The following MYZAP variants were observed in gnomAD, a reference collection of about 807,000 sequenced individuals.
The protein encoded by MYZAP is GRINL1A complex locus upstream.
In MYZAP, 66 loss-of-function variants were observed where a neutral mutation model predicts 69.4. The ratio of observed to expected loss-of-function variants is 0.95; its 90% CI spans 0.78 to 1.17. MYZAP has a LOEUF of 1.17. Among genes scored for constraint, MYZAP ranks in the 50% most tolerant of loss-of-function variants. The probability of loss-of-function intolerance (pLI) is 0.00; values close to 1 mark genes in which losing one functional copy is unlikely to be tolerated. For synonymous variants in MYZAP, 256 were observed against 205.9 expected, an observed-to-expected ratio of 1.24 and a Z score of -2.09; for missense variants, 611 against 556.2, an observed-to-expected ratio of 1.10 and a Z score of -0.99.
intron 12 of MYZAP, among the ~76,000 whole-genome samples, chr15:57,679,612 C>T (rs1408909459): frequency 6.6e-6 from 1 of 152,148 alleles, no homozygotes; most frequent in Non-Finnish European, 1.5e-5. Context: ...ACTTTTCTCT[C>T]CTGGTTCTCC....
chr15:57,682,056 C>G (rs2039473836), intron 12 of MYZAP, among the ~76,000 whole-genome samples: 1 of 152,084 alleles, frequency 6.6e-6, no homozygotes, highest in African/African-American at 2.4e-5. Flanking sequence ...TGAAAGAACC[C>G]ACAGATCTTG....
intron 1 of MYZAP, among the ~76,000 whole-genome samples, chr15:57,598,138 G>T (rs1288774858): frequency 6.6e-6 from 1 of 152,148 alleles, no homozygotes; most frequent in African/African-American, 2.4e-5. Flanking sequence ...CAAGGTGCCT[G>T]AAGTTGAGAG....
rs772703429 is a variant in MYZAP, at chr15:57,632,470, CGA to C, written c.720_721del (p.Glu240AspfsTer10). On this transcript the variant is annotated frameshift_variant, in exon 7 of 13. Coordinates refer to ENST00000267853, the MANE Select transcript of MYZAP (RefSeq NM_001018100.5). LOFTEE classifies it high-confidence loss of function. ...SSQEANAEVM[R>X]EMTKKLYSQY... Reference sequence around the variant, plus strand: ...CCAAGAAGCCAATGCTGAGGTGATGCGAGAGATGACCAAGAAGCTGTACAGCC... The same window carrying C: ...CCAAGAAGCCAATGCTGAGGTGATGCGAGATGACCAAGAAGCTGTACAGCC... The C allele has an allele frequency of 3.7e-6, 6 of 1,614,080 alleles. No homozygotes were observed. The East Asian group carries it at 1.3e-4, about 36-fold the overall frequency.
At chr15:57,660,465 C>T (rs576399690) in intron 10 of MYZAP, among the ~76,000 whole-genome samples, 1 of 152,028 alleles carries the variant, frequency 6.6e-6, no homozygotes, top group Non-Finnish European at 1.5e-5. Flanking sequence ...CAGGGACACA[C>T]CACCACACCC....
rs961690724 is a variant in MYZAP at position 57,603,767 on chromosome 15, C to G, written c.76-502C>G. Reference sequence around the variant, plus strand: ...CATTTGGGTTGCTTCCACCTTTTGGCTATTGTGGATAATGCTGCTATGAAC... The same window carrying G: ...CATTTGGGTTGCTTCCACCTTTTGGGTATTGTGGATAATGCTGCTATGAAC... On this transcript the variant is annotated intron_variant, in intron 1 of 12. Coordinates refer to ENST00000267853, the MANE Select transcript of MYZAP (RefSeq NM_001018100.5). Among the ~76,000 whole-genome samples the G allele has an allele frequency of 3.9e-5, 6 of 152,194 alleles. No individual in the cohort carries two copies. In the East Asian group the frequency reaches 1.2e-3, roughly 29 times the overall value.
chr15:57,617,315 T>A (rs1425621892), intron 2 of MYZAP, among the ~76,000 whole-genome samples: 1 of 152,194 alleles, frequency 6.6e-6, no homozygotes, highest in Non-Finnish European at 1.5e-5. Context: ...AAATCTTAAT[T>A]TCCCCCTTTC....
chr15:57,638,922 T>G (rs1343251627), intron 9 of MYZAP, among the ~76,000 whole-genome samples: 1 of 152,186 alleles, frequency 6.6e-6, no homozygotes, highest in Non-Finnish European at 1.5e-5. Context: ...ACAGAGAGCT[T>G]CTCAGATCTG....
At chr15:57,632,710 A>G in intron 7 of MYZAP, 151 bp downstream of exon 7, 1 of 1,271,856 alleles carries the variant, frequency 7.9e-7, no homozygotes, top group Non-Finnish European at 1.1e-6. Context: ...CTGCTCATTC[A>G]CTCCCCTCCC....
intron 7 of MYZAP, among the ~76,000 whole-genome samples, 190 bp downstream of exon 7, chr15:57,632,749 G>A (rs759621835): frequency 1.1e-4 from 17 of 151,962 alleles, no homozygotes; most frequent in African/African-American, 3.4e-4. Flanking sequence ...ATTCATCCCC[G>A]TCTCTACTCA....
intron 9 of MYZAP, among the ~76,000 whole-genome samples, chr15:57,638,012 C>A (rs1161074617): frequency 4.6e-5 from 7 of 152,178 alleles, no homozygotes; most frequent in Admixed American, 4.6e-4. Context: ...AATACTTTCA[C>A]AAGTGCAAAA....
At chr15:57,617,250 G>C (rs1567207991) in intron 2 of MYZAP, among the ~76,000 whole-genome samples, 1 of 152,154 alleles carries the variant, frequency 6.6e-6, no homozygotes, top group Non-Finnish European at 1.5e-5. Flanking sequence ...TCATAGAGTG[G>C]TTGTGAACAT....
Position 57,636,922 on chromosome 15 carries a change from G to A in MYZAP, c.934-773G>A, listed in dbSNP as rs183466014. ...AGGTCAGAAGTGCTAAAATCCAGGT[G>A]TTGGCAGAGCTGGATTCCTTTTGGA... On this transcript the variant is annotated intron_variant, in intron 8 of 12. Transcript: ENST00000267853. Among the ~76,000 whole-genome samples, 20 of 152,318 alleles carry A rather than the reference G, an allele frequency of 1.3e-4. No individual in the cohort carries two copies. The East Asian group carries it at 3.9e-3, about 29-fold the overall frequency.
intron 1 of MYZAP, chr15:57,599,730 CG>C: frequency 7.8e-7 from 1 of 1,285,024 alleles, no homozygotes; most frequent in Admixed American, 2.3e-5. Flanking sequence ...TGATGTTACT[CG>C]GGGAGATTTT....
At chr15:57,600,990 AT>A (rs2034375221) in intron 1 of MYZAP, among the ~76,000 whole-genome samples, 1 of 152,150 alleles carries the variant, frequency 6.6e-6, no homozygotes, top group Non-Finnish European at 1.5e-5. Context: ...AGGTCGGAGA[AT>A]CACTTGAGCC....
chr15:57,645,256 C>T (rs1307093149), intron 10 of MYZAP, among the ~76,000 whole-genome samples: 1 of 152,120 alleles, frequency 6.6e-6, no homozygotes, highest in African/African-American at 2.4e-5. Flanking sequence ...AGTCATAATG[C>T]AGCAGTTCCT....
intron 3 of MYZAP, among the ~76,000 whole-genome samples, chr15:57,618,444 C>G (rs1203315197): frequency 3.3e-5 from 5 of 152,218 alleles, no homozygotes; most frequent in Non-Finnish European, 2.9e-5. Flanking sequence ...AGATGGCTTC[C>G]TCCTTCCGTG....
chr15:57,599,777 G>T (rs2034299668), intron 1 of MYZAP: 1 of 1,131,576 alleles, frequency 8.8e-7, no homozygotes, highest in Admixed American at 2.3e-5. Context: ...ATGAATGGAG[G>T]GAGGTAGACT....
chr15:57,622,978 C>T (rs1183273842), intron 4 of MYZAP, among the ~76,000 whole-genome samples: 1 of 152,086 alleles, frequency 6.6e-6, no homozygotes, highest in African/African-American at 2.4e-5. Context: ...GAAAGATCCC[C>T]CACGAATCAA....
intron 12 of MYZAP, among the ~76,000 whole-genome samples, chr15:57,679,234 G>A (rs1373755895): frequency 6.6e-6 from 1 of 152,094 alleles, no homozygotes; most frequent in Non-Finnish European, 1.5e-5. Context: ...ATAAGTGAAA[G>A]ATACATACCA....
Sources: gnomAD v4.1 joint callset for allele counts (sites outside exome capture counted in the v4.1 genomes callset) on GRCh38, gnomAD v4.1.1 for gene constraint, MANE v1.5 for transcripts, NCBI Gene and HGNC (gene_info 2026-07-23, HGNC 2026-07-21) for gene names.